The following DAW1 variants were observed in gnomAD, a reference collection of about 807,000 sequenced individuals.
DAW1 encodes dynein assembly factor with WD repeats 1, also known as dynein assembly factor with WD repeat domains 1.
DAW1 carries 47 observed loss-of-function variants against 56.5 expected under a neutral mutation model. The observed-to-expected ratio is 0.83, with a 90% CI of 0.66 to 1.06. The LOEUF is 1.06. Ranked by LOEUF, DAW1 falls within the 50% of genes least tolerant of loss-of-function variation. The probability of loss-of-function intolerance (pLI) is 0.00; values close to 1 mark genes in which losing one functional copy is unlikely to be tolerated. For synonymous variants in DAW1, 190 were observed against 179.0 expected, an observed-to-expected ratio of 1.06 and a Z score of -0.49; for missense variants, 505 against 499.3, an observed-to-expected ratio of 1.01 and a Z score of -0.11.
chr2:227,923,795 C>T (rs553132357), intron 12 of DAW1, 139 bp from the exon 13 acceptor site: 12 of 939,106 alleles, frequency 1.3e-5, no homozygotes, highest in Non-Finnish European at 2.0e-5. Context: ...CTCAGAGACT[C>T]TGCAGCTAGG....
chr2:227,891,154 G>T, intron 3 of DAW1, 101 bp from the exon 4 acceptor site: 1 of 1,037,248 alleles, frequency 9.6e-7, no homozygotes, highest in Non-Finnish European at 1.5e-6. Flanking sequence ...TGTTTCTGAT[G>T]TATAATTAAG....
rs150790305 is a variant in DAW1, at chr2:227,919,990, G to A, written c.1050+1134G>A. Among the ~76,000 whole-genome samples the A allele has an allele frequency of 8.3e-4, 126 of 152,268 alleles. 1 individual carries two copies. The highest frequency in any genetic ancestry group is 2.9e-3 in the African/African-American group (121 of 41,554). ...TGGTCTCCAGGGCATGCAGACTATGGCCTCTTCATAAGCTGGGAGGCTTAT... is the reference window on the plus strand; with the variant it reads ...TGGTCTCCAGGGCATGCAGACTATGACCTCTTCATAAGCTGGGAGGCTTAT... On this transcript the variant is annotated intron_variant, in intron 11 of 12. Transcript: ENST00000309931.
intron 1 of DAW1, among the ~76,000 whole-genome samples, chr2:227,876,205 A>G (rs953268726): frequency 1.9e-4 from 29 of 152,090 alleles, no homozygotes; most frequent in African/African-American, 6.8e-4. Flanking sequence ...TATTTTTAGT[A>G]GAGACGGGGT....
At chr2:227,892,300 T>G (rs1392949001) in intron 4 of DAW1, among the ~76,000 whole-genome samples, 1 of 151,826 alleles carries the variant, frequency 6.6e-6, no homozygotes, top group Non-Finnish European at 1.5e-5. Context: ...GCCCAGCTAA[T>G]TTTTTGTATT....
intron 10 of DAW1, chr2:227,912,192 A>G (rs1691842050): frequency 2.7e-6 from 1 of 374,326 alleles, no homozygotes; most frequent in Non-Finnish European, 5.2e-6. Context: ...TCCATGGTCA[A>G]CATGTATGAT....
chr2:227,917,345 C>G (rs1313265217), intron 10 of DAW1, among the ~76,000 whole-genome samples: 2 of 151,798 alleles, frequency 1.3e-5, no homozygotes, highest in African/African-American at 4.8e-5. Flanking sequence ...ACTGCAAGCT[C>G]CACCTCCTGG....
chr2:227,894,277 A>T (rs1691354456), intron 5 of DAW1, among the ~76,000 whole-genome samples: 1 of 151,976 alleles, frequency 6.6e-6, no homozygotes, highest in Admixed American at 6.6e-5. Flanking sequence ...TATGTAATGT[A>T]TGGTGGCGCA....
In DAW1 at chr2:227,885,435, G is replaced by C; in HGVS notation, c.113+12G>C. ...GATCTTGGTCCCAGGTAAGTAAGCT[G>C]TAGGATTCAACAAATAAATGTTCAC... is the stretch of plus-strand genomic sequence containing the variant. On this transcript the variant is annotated intron_variant, in intron 2 of 12. Transcript: ENST00000309931. 3 of 1,589,490 alleles carry C rather than the reference G, an allele frequency of 1.9e-6. No homozygotes were observed. The highest frequency in any genetic ancestry group is 2.6e-6 in the Non-Finnish European group (3 of 1,169,840).
chr2:227,877,433 G>A (rs184498626), intron 1 of DAW1, among the ~76,000 whole-genome samples: 41 of 152,376 alleles, frequency 2.7e-4, no homozygotes, highest in African/African-American at 8.7e-4. Context: ...GATTATAGGC[G>A]TGAGCCACTG....
In DAW1 at chr2:227,914,138, C is replaced by T. The variant is rs765016494; in HGVS notation, c.974-4642C>T. ...GTGTCTACCTCATTTGTTTGATAACCGTGAGTGATGCTGTACTATGTCTGC... is the reference window on the plus strand; with the variant it reads ...GTGTCTACCTCATTTGTTTGATAACTGTGAGTGATGCTGTACTATGTCTGC... On this transcript the variant is annotated intron_variant, in intron 10 of 12. Transcript: ENST00000309931. 2.6e-5 allele frequency among the ~76,000 whole-genome samples: 4 copies of T among 152,082 alleles called. No individual in the cohort carries two copies. In the South Asian group the frequency reaches 8.3e-4, roughly 32 times the overall value.
intron 1 of DAW1, among the ~76,000 whole-genome samples, chr2:227,879,144 T>G (rs1315354769): frequency 6.6e-6 from 1 of 152,136 alleles, no homozygotes; most frequent in Non-Finnish European, 1.5e-5. Flanking sequence ...CATCAAGGAA[T>G]AGCTAAGATG....
At chr2:227,913,871 A>ATATCTATC (rs559993251) in intron 10 of DAW1, among the ~76,000 whole-genome samples, 27,195 of 142,672 alleles carry the variant, frequency 0.19, 2,787 homozygotes, top group East Asian at 0.25. Flanking sequence ...GACAGTCATC[A>ATATCTATC]TATCTATCTA....
chr2:227,882,613 AGTT>A (rs901519568), intron 1 of DAW1, among the ~76,000 whole-genome samples: 1 of 152,246 alleles, frequency 6.6e-6, no homozygotes, highest in African/African-American at 2.4e-5. Flanking sequence ...GAAGTCTGAT[AGTT>A]GTTGATATGG....
chr2:227,902,667 G>A (rs1691574180), intron 6 of DAW1, among the ~76,000 whole-genome samples: 1 of 152,072 alleles, frequency 6.6e-6, no homozygotes, highest in Non-Finnish European at 1.5e-5. Context: ...GAAGGACTGT[G>A]GTGACAGCAG....
chr2:227,881,909 T>A (rs993864528), intron 1 of DAW1, among the ~76,000 whole-genome samples: 1 of 152,060 alleles, frequency 6.6e-6, no homozygotes, highest in Admixed American at 6.6e-5. Context: ...CCTGCCGTCA[T>A]GCCAGCTAAT....
chr2:227,878,222 C>T (rs1337780373), intron 1 of DAW1, among the ~76,000 whole-genome samples: 1 of 152,156 alleles, frequency 6.6e-6, no homozygotes, highest in Admixed American at 6.5e-5. Context: ...TTTACTCAAG[C>T]ATTTATTTCC....
At chr2:227,923,629 G>A (rs1402754640) in intron 12 of DAW1, among the ~76,000 whole-genome samples, 1 of 152,100 alleles carries the variant, frequency 6.6e-6, no homozygotes, top group Non-Finnish European at 1.5e-5. Flanking sequence ...GACGGCAGAG[G>A]GGATGGCTGA....
intron 1 of DAW1, among the ~76,000 whole-genome samples, chr2:227,884,536 C>T (rs149167576): frequency 6.6e-6 from 1 of 152,172 alleles, no homozygotes; most frequent in African/African-American, 2.4e-5. Flanking sequence ...TAGGCTCTTG[C>T]AATGTTACTG....
At chr2:227,873,548 C>G (rs190680858) in intron 1 of DAW1, among the ~76,000 whole-genome samples, 12 of 152,196 alleles carry the variant, frequency 7.9e-5, no homozygotes, top group Admixed American at 7.8e-4. Context: ...CCTGGAAGAC[C>G]GATCCTGGAC....
Sources: gnomAD v4.1 joint callset for allele counts (sites outside exome capture counted in the v4.1 genomes callset) on GRCh38, gnomAD v4.1.1 for gene constraint, MANE v1.5 for transcripts, NCBI Gene and HGNC (gene_info 2026-07-23, HGNC 2026-07-21) for gene names.